Variants in CCSER1 observed in about 807,000 individuals in gnomAD.
CCSER1 encodes serine-rich coiled-coil domain-containing protein 1.
Under a neutral mutation model 82.0 loss-of-function variants are expected in CCSER1, and 41 were observed. That is an observed-to-expected ratio of 0.50 (90% CI 0.39 to 0.65). CCSER1 has a LOEUF of 0.65. CCSER1 is among the 30% of genes least tolerant of loss of function. The probability of loss-of-function intolerance (pLI) is 0.00; values close to 1 mark genes in which losing one functional copy is unlikely to be tolerated. For missense variants in CCSER1, 1,119 were observed against 1,064.2 expected, an observed-to-expected ratio of 1.05 and a Z score of -0.72; for synonymous variants, 414 against 383.9, an observed-to-expected ratio of 1.08 and a Z score of -0.92.
intron 10 of CCSER1, among the ~76,000 whole-genome samples, chr4:91,547,955 G>C (rs1324140636): frequency 6.6e-6 from 1 of 151,792 alleles, no homozygotes; most frequent in Admixed American, 6.6e-5. Flanking sequence ...CTAACTTTTT[G>C]TATTTTTAGT....
intron 3 of CCSER1, among the ~76,000 whole-genome samples, chr4:90,324,852 G>A (rs1376858877): frequency 6.6e-6 from 1 of 152,114 alleles, no homozygotes; most frequent in Non-Finnish European, 1.5e-5. Flanking sequence ...TTTGTATAAG[G>A]TGTAAGGAAG....
chr4:90,173,861 T>G (rs965407676), intron 1 of CCSER1, among the ~76,000 whole-genome samples: 4 of 151,968 alleles, frequency 2.6e-5, no homozygotes, highest in Non-Finnish European at 4.4e-5. Flanking sequence ...CTTGTATAAT[T>G]ATAGCCTGGC....
At chr4:91,150,532 G>A (rs1264930723) in intron 10 of CCSER1, among the ~76,000 whole-genome samples, 1 of 152,188 alleles carries the variant, frequency 6.6e-6, no homozygotes, top group Non-Finnish European at 1.5e-5. Context: ...TAGGAGTGGT[G>A]AGAGAGGGCA....
chr4:91,192,970 C>T (rs1452705025), intron 10 of CCSER1, among the ~76,000 whole-genome samples: 2 of 152,116 alleles, frequency 1.3e-5, no homozygotes, highest in African/African-American at 2.4e-5. Context: ...ACAGCCTTTA[C>T]ATTTCCAAAA....
intron 6 of CCSER1, among the ~76,000 whole-genome samples, chr4:90,708,491 GGGAATGA>G (rs1354180076): frequency 6.6e-6 from 1 of 152,162 alleles, no homozygotes; most frequent in South Asian, 2.1e-4. Flanking sequence ...TTCTGGTACC[GGGAATGA>G]GGAATGAGGA....
intron 10 of CCSER1, among the ~76,000 whole-genome samples, chr4:91,442,522 G>A (rs1755245678): frequency 7.4e-6 from 1 of 134,434 alleles, no homozygotes; most frequent in Non-Finnish European, 1.6e-5. Flanking sequence ...AAAAACCCTA[G>A]AAGAAAACCT....
chr4:90,832,543 C>T (rs945378520), intron 8 of CCSER1, among the ~76,000 whole-genome samples: 1 of 151,988 alleles, frequency 6.6e-6, no homozygotes, highest in African/African-American at 2.4e-5. Flanking sequence ...TACCAATGTG[C>T]ACCATCTTTG....
At chr4:91,096,940 A>G (rs1724569316) in intron 10 of CCSER1, among the ~76,000 whole-genome samples, 1 of 152,186 alleles carries the variant, frequency 6.6e-6, no homozygotes, top group East Asian at 1.9e-4. Flanking sequence ...ACCAGAACAG[A>G]AGTGCCGACA....
chr4:91,165,776 G>C (rs1252461302), intron 10 of CCSER1, among the ~76,000 whole-genome samples: 1 of 152,238 alleles, frequency 6.6e-6, no homozygotes, highest in Non-Finnish European at 1.5e-5. Context: ...CATTTGCTAA[G>C]ACCATTGGAA....
intron 5 of CCSER1, among the ~76,000 whole-genome samples, chr4:90,482,954 C>A (rs1007401897): frequency 6.6e-6 from 1 of 152,108 alleles, no homozygotes; most frequent in African/African-American, 2.4e-5. Flanking sequence ...ATTGATCTGT[C>A]TGATGTTGAC....
chr4:90,589,490 A>G (rs1782435495), intron 5 of CCSER1, among the ~76,000 whole-genome samples: 1 of 151,942 alleles, frequency 6.6e-6, no homozygotes, highest in South Asian at 2.1e-4. Context: ...AAATCTGGAG[A>G]AAAAACAGGG....
chr4:91,277,830 G>A (rs539991932), intron 10 of CCSER1, among the ~76,000 whole-genome samples: 1 of 151,532 alleles, frequency 6.6e-6, no homozygotes, highest in African/African-American at 2.4e-5. Flanking sequence ...TTACAAACTT[G>A]CATTTTAACA....
intron 10 of CCSER1, among the ~76,000 whole-genome samples, chr4:91,474,585 A>G (rs1445950700): frequency 6.6e-6 from 1 of 151,398 alleles, no homozygotes. Context: ...AAGATTTGAT[A>G]GTAGTTCTCA....
At chr4:91,279,231 A>C (rs1279273431) in intron 10 of CCSER1, among the ~76,000 whole-genome samples, 1 of 152,102 alleles carries the variant, frequency 6.6e-6, no homozygotes, top group Non-Finnish European at 1.5e-5. Context: ...CAATTTGACT[A>C]TAATGTCTTG....
At chr4:90,477,380 C>T (rs1004581077) in intron 5 of CCSER1, among the ~76,000 whole-genome samples, 1 of 152,060 alleles carries the variant, frequency 6.6e-6, no homozygotes, top group Non-Finnish European at 1.5e-5. Flanking sequence ...AAGACAATAG[C>T]ACCTGCTTTG....
intron 5 of CCSER1, among the ~76,000 whole-genome samples, chr4:90,626,969 G>GTA (rs1403290480): frequency 1.3e-5 from 2 of 152,094 alleles, no homozygotes; most frequent in African/African-American, 4.8e-5. Flanking sequence ...TTACTTATCT[G>GTA]TACTTTATTT....
intron 10 of CCSER1, among the ~76,000 whole-genome samples, chr4:91,143,652 G>A (rs565246019): frequency 6.6e-6 from 1 of 151,906 alleles, no homozygotes; most frequent in Non-Finnish European, 1.5e-5. Flanking sequence ...TTACTTCAAT[G>A]CCTAGTTTCT....
chr4:90,836,444 G>C (rs891707791), intron 8 of CCSER1, among the ~76,000 whole-genome samples: 1 of 152,038 alleles, frequency 6.6e-6, no homozygotes, highest in Admixed American at 6.6e-5. Context: ...TCCCCCCACT[G>C]CCCTCTCTGA....
At chr4:90,624,683 T>A (rs1722953998) in intron 5 of CCSER1, among the ~76,000 whole-genome samples, 1 of 152,190 alleles carries the variant, frequency 6.6e-6, no homozygotes, top group South Asian at 2.1e-4. Flanking sequence ...AAAATCCACT[T>A]AATATAACAT....
Sources: allele counts gnomAD v4.1 joint callset (sites outside exome capture counted in the v4.1 genomes callset), GRCh38; gene constraint gnomAD v4.1.1; transcripts MANE v1.5; gene names NCBI Gene and HGNC (gene_info 2026-07-23, HGNC 2026-07-21).